Variants in ZNF93 observed in about 807,000 individuals in gnomAD.
ZNF93 encodes zinc finger protein 505.
A neutral mutation model predicts 45.0 loss-of-function variants in ZNF93; 29 were observed. The ratio of observed to expected loss-of-function variants is 0.64; its 90% CI spans 0.48 to 0.88. The LOEUF (loss-of-function observed/expected upper bound fraction) is 0.88, where lower values mean the gene tolerates loss of function less well. ZNF93 is among the 40% of genes least tolerant of loss of function. The probability of loss-of-function intolerance (pLI) is 0.00; values close to 1 mark genes in which losing one functional copy is unlikely to be tolerated. For synonymous variants in ZNF93, 223 were observed against 244.6 expected (o/e 0.91, Z 0.82); for missense variants, 578 against 724.0 (o/e 0.80, Z 2.31).
At position 19,934,834 on chromosome 19, in the gene ZNF93, G is replaced by A; in HGVS notation, c.*16G>A. On this transcript the variant is annotated 3_prime_UTR_variant, in exon 4 of 4. Coordinates refer to ENST00000343769, the MANE Select transcript of ZNF93 (RefSeq NM_031218.4). The stretch of plus-strand genomic sequence containing the variant: ...GAAACCCTAGAAGTGTGAAGAATGT[G>A]GCAAAGCCTTCAAGTGGTCCTCACA... The A allele has an allele frequency of 6.3e-7, 1 of 1,586,310 alleles. No homozygotes were observed. Among genetic ancestry groups the A allele is most frequent in the East Asian group, 2.2e-5 (1 of 44,814 alleles).
chr19:19,933,650 A>G lies in ZNF93; in HGVS notation c.695A>G (p.Asp232Gly), dbSNP rs770215365. Residue 232 changes from aspartate (D) to glycine (G), a missense_variant, in exon 4 of 4, where the codon GAT (aspartate) becomes GGT (glycine). Asp to Gly is a moderately conservative substitution (Grantham distance 94). This residue lies in a region of ZNF93 where 446 missense variants were observed against 547.6 expected (regional missense o/e 0.81). Transcript: ENST00000343769. ...IHTGEKPYKC[D>G]KCDKAFIASS... Reference sequence around the variant, plus strand: ...ACTGGAGAGAAACCATACAAGTGTGATAAATGTGACAAAGCCTTTATTGCA... The same window carrying G: ...ACTGGAGAGAAACCATACAAGTGTGGTAAATGTGACAAAGCCTTTATTGCA... 12 of 1,612,364 alleles carry G rather than the reference A, an allele frequency of 7.4e-6. No individual in the cohort carries two copies. In the Admixed American group the frequency reaches 1.8e-4, roughly 25 times the overall value.
At chr19:19,901,232 C>T (rs2063269633) in intron 1 of ZNF93, 141 bp downstream of exon 1, 3 of 1,396,476 alleles carry the variant, frequency 2.1e-6, no homozygotes, top group African/African-American at 2.9e-5. Flanking sequence ...GGCCTCGGTT[C>T]CCTTCAGCCA....
chr19:19,913,693 CTT>C (rs1243076875), intron 1 of ZNF93, among the ~76,000 whole-genome samples: 3 of 152,058 alleles, frequency 2.0e-5, no homozygotes, highest in African/African-American at 2.4e-5. Context: ...CTTTTTCTGT[CTT>C]TTTCTGCCAG....
chr19:19,930,203 A>AGAGAGAGAGG (rs1200974732), intron 3 of ZNF93, among the ~76,000 whole-genome samples: 53 of 106,968 alleles, frequency 5.0e-4, no homozygotes, highest in African/African-American at 4.3e-3. Context: ...GCCAAGGCAG[A>AGAGAGAGAGG]GAGAGAGAGG....
chr19:19,923,357 T>C (rs2063347042), intron 3 of ZNF93, among the ~76,000 whole-genome samples: 1 of 152,098 alleles, frequency 6.6e-6, no homozygotes, highest in Non-Finnish European at 1.5e-5. Flanking sequence ...TACTTGGGGG[T>C]GCCTTCCAGT....
intron 1 of ZNF93, among the ~76,000 whole-genome samples, chr19:19,906,259 T>TGG (rs2063292595): frequency 6.6e-6 from 1 of 151,972 alleles, no homozygotes. Context: ...CTCATTGTGG[T>TGG]TTTTCTTTAA....
At chr19:19,915,773 C>T (rs1047347325) in intron 2 of ZNF93, among the ~76,000 whole-genome samples, 4 of 152,060 alleles carry the variant, frequency 2.6e-5, no homozygotes, top group Non-Finnish European at 4.4e-5. Flanking sequence ...ACCCAGGACA[C>T]GGAGGTTGCA....
At chr19:19,904,105 A>G (rs2063285466) in intron 1 of ZNF93, among the ~76,000 whole-genome samples, 1 of 147,320 alleles carries the variant, frequency 6.8e-6, no homozygotes, top group Non-Finnish European at 1.5e-5. Flanking sequence ...CACCGAAGAC[A>G]AATACAGCTG....
intron 1 of ZNF93, among the ~76,000 whole-genome samples, chr19:19,902,209 C>T (rs1301547712): frequency 6.6e-6 from 1 of 152,116 alleles, no homozygotes; most frequent in Non-Finnish European, 1.5e-5. Flanking sequence ...CATGACAAAG[C>T]TTGAGCCTAG....
intron 1 of ZNF93, among the ~76,000 whole-genome samples, chr19:19,913,759 C>G (rs761778038): frequency 5.9e-5 from 9 of 151,982 alleles, no homozygotes; most frequent in Non-Finnish European, 1.0e-4. Flanking sequence ...GCATATTCTC[C>G]AGATGCAGGT....
chr19:19,909,441 T>G (rs2063301724), intron 1 of ZNF93: 1 of 152,262 alleles, frequency 6.6e-6, no homozygotes, highest in Non-Finnish European at 1.5e-5. Context: ...TATGAAGATG[T>G]GAAAAGTTTA....
chr19:19,911,932 T>G (rs1281618809), intron 1 of ZNF93, among the ~76,000 whole-genome samples: 2 of 152,056 alleles, frequency 1.3e-5, no homozygotes, highest in Non-Finnish European at 2.9e-5. Context: ...GTATTTTTAC[T>G]AGAGGCGGGG....
At chr19:19,923,104 G>A (rs1220787090) in intron 3 of ZNF93, among the ~76,000 whole-genome samples, 3 of 152,136 alleles carry the variant, frequency 2.0e-5, no homozygotes, top group Non-Finnish European at 4.4e-5. Flanking sequence ...ACATACAGAT[G>A]GGGTTTTGGT....
In ZNF93 at chr19:19,933,606, T is replaced by A. The variant is rs1380608104; in HGVS notation, c.651T>A (p.Asn217Lys). 1 of 1,608,910 alleles carries A rather than the reference T, an allele frequency of 6.2e-7. No homozygotes were observed. The highest frequency in any genetic ancestry group is 1.7e-5 in the Admixed American group (1 of 59,310). ...CCTTTAAGTACTCCTCTGCCCTTAA[T>A]ACACATAAGAGAATTCATACTGGAG... Reference protein sequence around the residue: ...GKAFKYSSALNTHKRIHTGEK... With the variant: ...GKAFKYSSALKTHKRIHTGEK... The change falls in exon 4 of 4, where the codon AAT becomes AAA. Residue 217 changes from asparagine (N) to lysine (K), a missense_variant. By Grantham distance (94) the Asn-to-Lys change is moderately conservative. Transcript: ENST00000343769.
intron 2 of ZNF93, among the ~76,000 whole-genome samples, chr19:19,916,208 A>G (rs1188053056): frequency 2.6e-5 from 4 of 151,908 alleles, no homozygotes; most frequent in African/African-American, 9.7e-5. Context: ...CTGGGACTAC[A>G]GGCATGCATT....
At chr19:19,926,462 T>C (rs2063356454) in intron 3 of ZNF93, among the ~76,000 whole-genome samples, 1 of 148,946 alleles carries the variant, frequency 6.7e-6, no homozygotes, top group Non-Finnish European at 1.5e-5. Context: ...CAAAGTTCCA[T>C]ATTAGTGTGT....
chr19:19,902,914 T>A (rs537625027), intron 1 of ZNF93, among the ~76,000 whole-genome samples: 164 of 151,754 alleles, frequency 1.1e-3, no homozygotes, highest in Middle Eastern at 3.4e-3. Context: ...TTAAAAAAAA[T>A]TTTTTTAATA....
At position 19,928,252 on chromosome 19, in the gene ZNF93, C is replaced by T. The variant is rs114392029; in HGVS notation, c.227-4930C>T. ...TTGTGGAAAATCATTTGATCATATA[C>T]AAAATGGTTCATTTCTGAGCTCTCT... On this transcript the variant is annotated intron_variant, in intron 3 of 3. Transcript: ENST00000343769. Among the ~76,000 whole-genome samples, 497 of 152,230 alleles carry T rather than the reference C, an allele frequency of 3.3e-3. 5 individuals carry two copies. Among genetic ancestry groups the T allele is most frequent in the African/African-American group, 0.011 (461 of 41,538 alleles).
Position 19,933,761 on chromosome 19 carries a change from C to A in ZNF93, c.806C>A (p.Ser269Tyr), listed in dbSNP as rs77645720. ...CEECGKAFNQ[S>Y]STLTKHKKIH... The stretch of plus-strand genomic sequence containing the variant: ...GAATGTGGCAAAGCTTTTAACCAAT[C>A]CTCGACACTTACTAAACATAAGAAA... Residue 269 changes from serine (S) to tyrosine (Y), a missense_variant, in exon 4 of 4, where the codon TCC becomes TAC. By Grantham distance (144) the Ser-to-Tyr change is moderately radical (BLOSUM62 -2). Coordinates refer to ENST00000343769, the MANE Select transcript of ZNF93 (RefSeq NM_031218.4). 6.2e-7 allele frequency: 1 copy of A among 1,612,190 alleles called. No homozygotes were observed. Among genetic ancestry groups the A allele is most frequent in the Non-Finnish European group, 8.5e-7 (1 of 1,179,348 alleles).
Sources: allele counts gnomAD v4.1 joint callset (sites outside exome capture counted in the v4.1 genomes callset), GRCh38; gene constraint gnomAD v4.1.1; regional missense constraint gnomAD v4.1.1; transcripts MANE v1.5; gene names NCBI Gene and HGNC (gene_info 2026-07-23, HGNC 2026-07-21).